Variants in CHRM3 observed in about 807,000 individuals in gnomAD.
The protein encoded by CHRM3 is cholinergic receptor muscarinic 3, also known as muscarinic acetylcholine receptor M3.
In CHRM3, 11 loss-of-function variants were observed where a neutral mutation model predicts 41.8. The observed-to-expected ratio is 0.26, with a 90% CI of 0.17 to 0.44. The LOEUF is 0.44. Ranked by LOEUF, CHRM3 falls within the 20% of genes least tolerant of loss-of-function variation. The pLI, the probability that CHRM3 is intolerant of heterozygous loss-of-function variation, is 1.00. For missense variants in CHRM3, 571 were observed against 745.4 expected (o/e 0.77, Z 2.72); for synonymous variants, 297 against 301.4 (o/e 0.99, Z 0.15).
intron 5 of CHRM3, among the ~76,000 whole-genome samples, chr1:239,822,090 C>T (rs10925983): frequency 0.21 from 31,758 of 152,114 alleles, 3,818 homozygotes; most frequent in East Asian, 0.38. Context: ...TACCCAGTCT[C>T]GGGTATTTCT....
intron 5 of CHRM3, among the ~76,000 whole-genome samples, chr1:239,695,009 T>G (rs1421733885): frequency 6.6e-6 from 1 of 152,200 alleles, no homozygotes. Context: ...TACTCTTTTC[T>G]GTATACAATT....
At position 239,466,403 on chromosome 1, in the gene CHRM3, TAACA is replaced by T. The variant is rs563679625; in HGVS notation, c.-520-26299_-520-26296del. Among the ~76,000 whole-genome samples, 323 of 152,240 alleles carry T rather than the reference TAACA, an allele frequency of 2.1e-3. 4 individuals are homozygous for T. The highest frequency in any genetic ancestry group is 2.3e-3 in the Non-Finnish European group (154 of 68,008). On this transcript the variant is annotated intron_variant, in intron 1 of 6. Coordinates refer to ENST00000676153, the MANE Select transcript of CHRM3 (RefSeq NM_001375978.1). Reference sequence around the variant, plus strand: ...GTAAGAATACAGTATATAGTACATATAACAAACAAAATATATGATAGTCAATGGT... The same window carrying T: ...GTAAGAATACAGTATATAGTACATATAACAAAATATATGATAGTCAATGGT...
intron 2 of CHRM3, among the ~76,000 whole-genome samples, chr1:239,542,151 A>G (rs1376053259): frequency 6.6e-6 from 1 of 152,188 alleles, no homozygotes; most frequent in Non-Finnish European, 1.5e-5. Context: ...TGACCAAGAT[A>G]TAACCTCCTG....
intron 1 of CHRM3, among the ~76,000 whole-genome samples, chr1:239,459,072 G>T (rs1665168903): frequency 6.6e-6 from 1 of 152,076 alleles, no homozygotes; most frequent in African/African-American, 2.4e-5. Flanking sequence ...CCCACAAGTG[G>T]TCAAGGTTTC....
chr1:239,610,733 TG>T (rs1666920176), intron 3 of CHRM3, among the ~76,000 whole-genome samples: 1 of 152,184 alleles, frequency 6.6e-6, no homozygotes, highest in Non-Finnish European at 1.5e-5. Context: ...TCTGTGCTTT[TG>T]TAAAACACTC....
At chr1:239,633,210 A>T (rs1211989463) in intron 4 of CHRM3, among the ~76,000 whole-genome samples, 2 of 152,156 alleles carry the variant, frequency 1.3e-5, no homozygotes, top group East Asian at 3.9e-4. Context: ...TGACCTCATG[A>T]TCTGCCCACC....
intron 5 of CHRM3, among the ~76,000 whole-genome samples, chr1:239,782,174 T>C (rs543158526): frequency 1.3e-5 from 2 of 152,226 alleles, no homozygotes; most frequent in African/African-American, 4.8e-5. Context: ...AAAGTGATCA[T>C]AGAGAATTGG....
chr1:239,827,634 T>C (rs1672560416), intron 6 of CHRM3, among the ~76,000 whole-genome samples: 1 of 152,208 alleles, frequency 6.6e-6, no homozygotes, highest in Non-Finnish European at 1.5e-5. Flanking sequence ...AATAGCACGT[T>C]TCACTAAAAA....
intron 5 of CHRM3, among the ~76,000 whole-genome samples, chr1:239,795,894 A>G (rs1183446079): frequency 3.9e-5 from 6 of 152,200 alleles, no homozygotes; most frequent in Non-Finnish European, 8.8e-5. Context: ...GTCTGAGCTT[A>G]GTATAAATAA....
chr1:239,580,704 T>TATATATATATATATACACACACACAC (rs570878631), intron 3 of CHRM3, among the ~76,000 whole-genome samples: 117 of 131,016 alleles, frequency 8.9e-4, no homozygotes, highest in African/African-American at 3.3e-3. Context: ...TATATATATA[T>TATATATATATATATACACACACACAC]ACACACACAC....
At chr1:239,701,868 A>G (rs1379894060) in intron 5 of CHRM3, among the ~76,000 whole-genome samples, 2 of 152,012 alleles carry the variant, frequency 1.3e-5, no homozygotes, top group East Asian at 3.9e-4. Flanking sequence ...CACTCTCCTT[A>G]TCAACTATCC....
chr1:239,602,110 G>GTGTATATATATATATATATATATA (rs1307023039), intron 3 of CHRM3, among the ~76,000 whole-genome samples: 1 of 112,862 alleles, frequency 8.9e-6, no homozygotes, highest in Non-Finnish European at 1.9e-5. Context: ...GTGTGTGTGT[G>GTGTATATATATATATATATATATA]TATATATATA....
intron 4 of CHRM3, among the ~76,000 whole-genome samples, chr1:239,673,479 A>T (rs552461658): frequency 6.6e-6 from 1 of 152,158 alleles, no homozygotes; most frequent in African/African-American, 2.4e-5. Context: ...ATAATATTGT[A>T]TATGCTGGAA....
intron 5 of CHRM3, among the ~76,000 whole-genome samples, chr1:239,762,582 G>A (rs1666887281): frequency 6.6e-6 from 1 of 152,096 alleles, no homozygotes; most frequent in Admixed American, 6.5e-5. Flanking sequence ...GCCTATATTT[G>A]CTTTCACTCT....
chr1:239,524,325 C>T (rs1669851670), intron 2 of CHRM3, among the ~76,000 whole-genome samples: 1 of 152,110 alleles, frequency 6.6e-6, no homozygotes, highest in African/African-American at 2.4e-5. Flanking sequence ...TGTCATTGTT[C>T]TTTCCAGCAA....
chr1:239,561,540 G>A lies in CHRM3; in HGVS notation c.-313+15791G>A, dbSNP rs558665445. Among the ~76,000 whole-genome samples the A allele has an allele frequency of 5.3e-5, 8 of 151,966 alleles. No individual in the cohort carries two copies. In the East Asian group the frequency reaches 7.8e-4, roughly 15 times the overall value. ...TGACTATGAAATGAGCACCCTCATC[G>A]TTCTTAAACAGAGCTTTACATTTTC... On this transcript the variant is annotated intron_variant, in intron 3 of 6. Transcript: ENST00000676153.
intron 5 of CHRM3, chr1:239,706,196 TAAAC>T (rs1249812577): frequency 6.7e-6 from 1 of 149,976 alleles, no homozygotes; most frequent in South Asian, 2.1e-4. Context: ...TAAAATGTAA[TAAAC>T]ATACATTATT....
intron 5 of CHRM3, among the ~76,000 whole-genome samples, chr1:239,699,942 T>C (rs1660533702): frequency 6.6e-6 from 1 of 152,178 alleles, no homozygotes; most frequent in Non-Finnish European, 1.5e-5. Flanking sequence ...AAATTAGGTT[T>C]ATTTTCTGTT....
intron 1 of CHRM3, among the ~76,000 whole-genome samples, chr1:239,439,921 C>T (rs781041894): frequency 1.3e-5 from 2 of 152,062 alleles, no homozygotes; most frequent in Admixed American, 6.5e-5. Context: ...TCTATATGGC[C>T]GGGAGCAGTG....
Sources: allele counts gnomAD v4.1 joint callset (sites outside exome capture counted in the v4.1 genomes callset), GRCh38; gene constraint gnomAD v4.1.1; transcripts MANE v1.5; gene names NCBI Gene and HGNC (gene_info 2026-07-23, HGNC 2026-07-21).